Variants in MTIF2 observed in about 807,000 individuals in gnomAD.
MTIF2 encodes mitochondrial translational initiation factor 2.
MTIF2 carries 71 observed loss-of-function variants against 83.5 expected under a neutral mutation model. The observed-to-expected ratio is 0.85, with a 90% CI of 0.70 to 1.04. MTIF2 has a LOEUF of 1.04. MTIF2 is among the 50% of genes least tolerant of loss of function. The pLI, the probability that MTIF2 is intolerant of heterozygous loss-of-function variation, is 0.00. For missense variants in MTIF2, 957 were observed against 846.5 expected, an observed-to-expected ratio of 1.13 and a Z score of -1.62; for synonymous variants, 319 against 287.1, an observed-to-expected ratio of 1.11 and a Z score of -1.12.
Position 55,254,663 on chromosome 2 carries a change from G to A in MTIF2, c.494C>T (p.Ala165Val). The A allele has an allele frequency of 6.3e-7, 1 of 1,598,436 alleles. No individual in the cohort carries two copies. Among genetic ancestry groups the A allele is most frequent in the Non-Finnish European group, 8.5e-7 (1 of 1,173,072 alleles). The change falls in exon 6 of 16, where the codon GCT becomes GTT. Residue 165 changes from alanine (A) to valine (V), a missense_variant. Physicochemically the swap from Ala to Val is moderately conservative, Grantham distance 64 (BLOSUM62 0). Around this residue, in one of 3 missense-constraint regions of MTIF2, gnomAD observed 733 missense variants for 648.7 expected, o/e 1.13. Transcript: ENST00000263629. ...KQDKVRKNKDAVRRPQADPAL... is the reference protein window; with the variant it reads ...KQDKVRKNKDVVRRPQADPAL... The stretch of plus-strand genomic sequence containing the variant: ...TACAGTTAAGTTTTACCTTCTTACA[G>A]CATCTTTATTTTTTCTGACTTTGTC...
At chr2:55,241,919 A>G (rs758936340) in intron 13 of MTIF2, among the ~76,000 whole-genome samples, 5 of 152,100 alleles carry the variant, frequency 3.3e-5, no homozygotes, top group African/African-American at 4.8e-5. Flanking sequence ...AGGCCAAAAC[A>G]GGTAGACCAC....
At chr2:55,264,432 T>C (rs1367504499) in intron 3 of MTIF2, among the ~76,000 whole-genome samples, 1 of 152,154 alleles carries the variant, frequency 6.6e-6, no homozygotes, top group Non-Finnish European at 1.5e-5. Context: ...AGATGGTGTT[T>C]CACCACATTG....
chr2:55,263,540 G>T (rs2104466855), intron 4 of MTIF2, 100 bp downstream of exon 4: 4 of 853,936 alleles, frequency 4.7e-6, no homozygotes, highest in Non-Finnish European at 7.1e-6. Flanking sequence ...AACCCAAGAG[G>T]CGTAGGTTGC....
At position 55,237,345 on chromosome 2, in the gene MTIF2, G is replaced by A; in HGVS notation, c.1954C>T (p.Gln652Ter). 1 of 1,612,766 alleles carries A rather than the reference G, an allele frequency of 6.2e-7. No homozygotes were observed. Among genetic ancestry groups the A allele is most frequent in the Non-Finnish European group, 8.5e-7 (1 of 1,179,786 alleles). Reference protein sequence around the residue: ...PVAGCRVQKGQLEKQKKFKLT... With the variant: ...PVAGCRVQKG Reference sequence around the variant, plus strand: ...TTAAATTTTTTTTGTTTTTCTAACTGTCCCTTTTGGACTCTGCAGCCAGCC... The same window carrying A: ...TTAAATTTTTTTTGTTTTTCTAACTATCCCTTTTGGACTCTGCAGCCAGCC... The change falls in exon 15 of 16, where the codon CAG (glutamine) becomes TAG (stop). Residue 652 changes from glutamine to a stop codon, truncating the protein, a stop_gained. Transcript: ENST00000263629. LOFTEE classifies it high-confidence loss of function.
intron 6 of MTIF2, 147 bp from the exon 7 acceptor site, chr2:55,254,348 C>CCT: frequency 1.7e-6 from 1 of 577,154 alleles, no homozygotes; most frequent in Non-Finnish European, 2.4e-6. Flanking sequence ...CCCTCCTATA[C>CCT]ATATGACAGA....
At position 55,236,741 on chromosome 2, in the gene MTIF2, A is replaced by G; in HGVS notation, c.2091T>C (p.Asp697=). ...CCACTTGAAATTCCATATTGTCTTCATCTAAACTGAGACCACAATCCATTC... is the reference window on the plus strand; with the variant it reads ...CCACTTGAAATTCCATATTGTCTTCGTCTAAACTGAGACCACAATCCATTC... ...KTGMDCGLSL[D]EDNMEFQVGD... is the part of the protein sequence containing the mutation. Residue 697 remains aspartate, a synonymous_variant, in exon 16 of 16, where the codon GAT becomes GAC. Coordinates refer to ENST00000263629, the MANE Select transcript of MTIF2 (RefSeq NM_002453.3). 2 of 1,611,972 alleles carry G rather than the reference A, an allele frequency of 1.2e-6. No individual in the cohort carries two copies. The highest frequency in any genetic ancestry group is 1.7e-6 in the Non-Finnish European group (2 of 1,179,464).
At chr2:55,250,371 C>A (rs952676851) in intron 8 of MTIF2, among the ~76,000 whole-genome samples, 3 of 151,576 alleles carry the variant, frequency 2.0e-5, no homozygotes, top group Non-Finnish European at 2.9e-5. Context: ...AAAGGCCTAT[C>A]CTTAAACCTA....
At chr2:55,242,079 T>C (rs975325553) in intron 13 of MTIF2, among the ~76,000 whole-genome samples, 1 of 151,146 alleles carries the variant, frequency 6.6e-6, no homozygotes. Context: ...GAGGCAGAGG[T>C]TGCAGTGAGC....
intron 8 of MTIF2, among the ~76,000 whole-genome samples, chr2:55,250,714 AG>A (rs1289091510): frequency 6.6e-6 from 1 of 152,220 alleles, no homozygotes; most frequent in Non-Finnish European, 1.5e-5. Context: ...AAATTCTACG[AG>A]GTAATTCTGT....
chr2:55,266,673 GA>G (rs1190011027), intron 3 of MTIF2, among the ~76,000 whole-genome samples: 2 of 146,592 alleles, frequency 1.4e-5, no homozygotes, highest in Non-Finnish European at 3.0e-5. Flanking sequence ...GTTCACAAAT[GA>G]TAATAGTTAT....
At chr2:55,255,158 A>C in intron 5 of MTIF2, among the ~76,000 whole-genome samples, 1 of 150,078 alleles carries the variant, frequency 6.7e-6, no homozygotes, top group African/African-American at 2.4e-5. Context: ...TAAGGTCACA[A>C]ATGTCATGTA....
Position 55,267,613 on chromosome 2 carries a change from T to G in MTIF2, c.-52A>C, listed in dbSNP as rs1678534612. The G allele has an allele frequency of 6.0e-6, 1 of 166,590 alleles. No homozygotes were observed. The highest frequency in any genetic ancestry group is 6.5e-5 in the Admixed American group (1 of 15,280). 10.3% of individuals were successfully genotyped at this position (166,590 alleles called of 1,614,324 possible). A position where few individuals can be genotyped will look rare whatever the true frequency, so the allele number is the denominator to read the frequency against. On this transcript the variant is annotated 5_prime_UTR_variant, in exon 3 of 16. Transcript: ENST00000263629. Reference sequence around the variant, plus strand: ...TGGACTCAGCAAGTCACTTGTTTCCTATGGGCCTCATTTTCCGGATCTCTG... The same window carrying G: ...TGGACTCAGCAAGTCACTTGTTTCCGATGGGCCTCATTTTCCGGATCTCTG...
At chr2:55,241,512 G>A (rs867716948) in intron 13 of MTIF2, among the ~76,000 whole-genome samples, 12 of 151,644 alleles carry the variant, frequency 7.9e-5, no homozygotes, top group Non-Finnish European at 1.2e-4. Context: ...AGTTTAATCA[G>A]GAGAAAAACA....
intron 5 of MTIF2, among the ~76,000 whole-genome samples, chr2:55,260,190 G>A (rs1393771556): frequency 2.0e-5 from 3 of 151,696 alleles, no homozygotes; most frequent in South Asian, 4.2e-4. Context: ...ACCTGAGGTC[G>A]GGAGTTCGAG....
intron 3 of MTIF2, chr2:55,266,641 C>T (rs1678450258): frequency 1.4e-5 from 2 of 144,964 alleles, no homozygotes; most frequent in African/African-American, 2.5e-5. Flanking sequence ...TTTATATTTT[C>T]TACTAGATAG....
chr2:55,253,652 T>C (rs989074293), intron 7 of MTIF2, among the ~76,000 whole-genome samples: 1 of 150,176 alleles, frequency 6.7e-6, no homozygotes, highest in Admixed American at 6.6e-5. Context: ...CTGTCTCAAC[T>C]AAAAATACAA....
chr2:55,239,063 TGAA>T (rs1676105649), intron 14 of MTIF2, among the ~76,000 whole-genome samples: 1 of 152,124 alleles, frequency 6.6e-6, no homozygotes, highest in Non-Finnish European at 1.5e-5. Flanking sequence ...AAACAAAAAT[TGAA>T]GAACTGTTCC....
At chr2:55,246,283 A>G in intron 10 of MTIF2, 54 bp downstream of exon 10, 1 of 1,526,968 alleles carries the variant, frequency 6.5e-7, no homozygotes, top group Non-Finnish European at 8.8e-7. Flanking sequence ...TCATATAATC[A>G]AGTCACGAAA....
intron 13 of MTIF2, among the ~76,000 whole-genome samples, chr2:55,241,161 T>C (rs946400278): frequency 1.3e-5 from 2 of 151,400 alleles, no homozygotes; most frequent in African/African-American, 4.9e-5. Context: ...CTCACGCCTG[T>C]AATCCCAGCA....
Sources: allele counts gnomAD v4.1 joint callset (sites outside exome capture counted in the v4.1 genomes callset), GRCh38; gene constraint gnomAD v4.1.1; regional missense constraint gnomAD v4.1.1; transcripts MANE v1.5; gene names NCBI Gene and HGNC (gene_info 2026-07-23, HGNC 2026-07-21).